The following PLCH1 variants were observed in gnomAD, a reference collection of about 807,000 sequenced individuals.
The protein encoded by PLCH1 is phospholipase C eta 1, also known as 1-phosphatidylinositol 4,5-bisphosphate phosphodiesterase eta-1.
In PLCH1, 60 loss-of-function variants were observed where a neutral mutation model predicts 126.7. The ratio of observed to expected loss-of-function variants is 0.47; its 90% CI spans 0.38 to 0.59. The LOEUF (loss-of-function observed/expected upper bound fraction) is 0.59. PLCH1 is among the 20% of genes least tolerant of loss of function. PLCH1 has a pLI of 0.00. For synonymous variants in PLCH1, 719 were observed against 734.9 expected (o/e 0.98, Z 0.35); for missense variants, 1,723 against 2,040.0 (o/e 0.84, Z 2.99).
intron 17 of PLCH1, 77 bp downstream of exon 17, chr3:155,494,064 C>T: frequency 8.8e-7 from 1 of 1,134,498 alleles, no homozygotes; most frequent in Non-Finnish European, 1.3e-6. Flanking sequence ...TAAACAGCTT[C>T]CTTAATAAAG....
At chr3:155,499,916 C>G (rs1262221751) in intron 14 of PLCH1, among the ~76,000 whole-genome samples, 1 of 152,022 alleles carries the variant, frequency 6.6e-6, no homozygotes, top group African/African-American at 2.4e-5. Context: ...TGTTGGAGCT[C>G]AAATATAAAG....
chr3:155,686,380 A>T (rs1744940822), intron 2 of PLCH1, among the ~76,000 whole-genome samples: 1 of 152,224 alleles, frequency 6.6e-6, no homozygotes, highest in South Asian at 2.1e-4. Context: ...AGGGAGCAAT[A>T]TCCCTTGTTC....
At chr3:155,573,152 C>T (rs375231660) in intron 6 of PLCH1, among the ~76,000 whole-genome samples, 2 of 152,136 alleles carry the variant, frequency 1.3e-5, no homozygotes, top group South Asian at 2.1e-4. Context: ...ACCTCTGTTT[C>T]CTCCAAGTTT....
rs776599269 is a variant in PLCH1 at position 155,458,498 on chromosome 3, G to GAAAGAAAGAAAGAAAGAA, written c.2938+26857_2938+26858insTTCTTTCTTTCTTTCTTT. On this transcript the variant is annotated intron_variant, in intron 21 of 21. Coordinates refer to the PLCH1 transcript ENST00000494598. ...AGAAAGAAAGAAAGAAAGAAAGAAA[G>GAAAGAAAGAAAGAAAGAA]AGAAAGAAGAGAGAGAAATAAGAAA... Among the ~76,000 whole-genome samples the GAAAGAAAGAAAGAAAGAA allele has an allele frequency of 1.2e-3, 81 of 69,768 alleles. 6 individuals are homozygous for GAAAGAAAGAAAGAAAGAA. The highest frequency in any genetic ancestry group is 7.5e-3 in the African/African-American group (47 of 6,304). The allele number at this position is 69,768 out of a possible 152,430, so 45.8% of individuals were successfully genotyped here. A position where few individuals can be genotyped will look rare whatever the true frequency, so the allele number is the denominator to read the frequency against.
intron 2 of PLCH1, among the ~76,000 whole-genome samples, chr3:155,640,741 C>T (rs1247705695): frequency 6.6e-6 from 1 of 152,134 alleles, no homozygotes; most frequent in Non-Finnish European, 1.5e-5. Flanking sequence ...GGCCCAAAAC[C>T]TCCATGATTA....
At chr3:155,589,234 G>C (rs923443811) in intron 4 of PLCH1, among the ~76,000 whole-genome samples, 2 of 152,030 alleles carry the variant, frequency 1.3e-5, no homozygotes, top group African/African-American at 4.8e-5. Flanking sequence ...TTTAAGTTTT[G>C]CAGGACATTT....
intron 2 of PLCH1, among the ~76,000 whole-genome samples, chr3:155,639,626 A>G (rs1739163160): frequency 6.6e-6 from 1 of 152,196 alleles, no homozygotes; most frequent in Admixed American, 6.5e-5. Flanking sequence ...TTCTTCTGGC[A>G]GTCTGCTTTC....
intron 3 of PLCH1, 99 bp downstream of exon 3, chr3:155,596,133 G>C: frequency 1.2e-6 from 1 of 836,780 alleles, no homozygotes; most frequent in Non-Finnish European, 1.9e-6. Flanking sequence ...ACTTATAAAA[G>C]TATAAAACTT....
chr3:155,557,921 T>C lies in PLCH1; in HGVS notation c.1070-3725A>G, dbSNP rs148559147. On this transcript the variant is annotated intron_variant, in intron 8 of 22. Transcript: ENST00000460012. ...CAGCAATGCAACATCAGTCCCATAATGAGAATGAAAATCCCCTGGACAGAA... is the reference window on the plus strand; with the variant it reads ...CAGCAATGCAACATCAGTCCCATAACGAGAATGAAAATCCCCTGGACAGAA... Among the ~76,000 whole-genome samples the C allele has an allele frequency of 4.2e-3, 639 of 152,252 alleles. 1 individual carries two copies. The highest frequency in any genetic ancestry group is 7.1e-3 in the Admixed American group (108 of 15,286).
At chr3:155,506,270 G>C (rs890191275) in intron 12 of PLCH1, among the ~76,000 whole-genome samples, 3 of 151,518 alleles carry the variant, frequency 2.0e-5, no homozygotes, top group Non-Finnish European at 4.4e-5. Flanking sequence ...TGATAAAACA[G>C]GATTCTGTCT....
intron 3 of PLCH1, 137 bp from the exon 4 acceptor site, chr3:155,594,321 A>T: frequency 1.2e-6 from 1 of 809,688 alleles, no homozygotes; most frequent in South Asian, 1.8e-5. Context: ...TTGTAATCCT[A>T]GCAGTTTGGG....
chr3:155,527,659 T>A (rs1301824510), intron 10 of PLCH1, among the ~76,000 whole-genome samples: 2 of 151,830 alleles, frequency 1.3e-5, no homozygotes, highest in African/African-American at 2.4e-5. Flanking sequence ...CTCACACCTG[T>A]AACCCCAGCC....
intron 8 of PLCH1, among the ~76,000 whole-genome samples, chr3:155,557,694 C>A (rs1461563286): frequency 6.6e-6 from 1 of 152,074 alleles, no homozygotes; most frequent in African/African-American, 2.4e-5. Flanking sequence ...CTGTCCAATT[C>A]CCCTGCTCAT....
intron 6 of PLCH1, among the ~76,000 whole-genome samples, chr3:155,578,528 A>G (rs1730264669): frequency 6.6e-6 from 1 of 152,220 alleles, no homozygotes; most frequent in Non-Finnish European, 1.5e-5. Context: ...AACAATAGTT[A>G]CCTCATTAGC....
At chr3:155,522,314 T>C (rs1158047244) in intron 11 of PLCH1, among the ~76,000 whole-genome samples, 1 of 152,206 alleles carries the variant, frequency 6.6e-6, no homozygotes, top group Admixed American at 6.5e-5. Context: ...ATTTAAAATA[T>C]TAACTGTATA....
intron 6 of PLCH1, among the ~76,000 whole-genome samples, chr3:155,570,701 T>A (rs1033948777): frequency 2.6e-5 from 4 of 152,170 alleles, no homozygotes; most frequent in Admixed American, 6.5e-5. Flanking sequence ...GTCACAAAAC[T>A]GTAAGAGGCA....
At chr3:155,566,103 A>C (rs1464075817) in intron 7 of PLCH1, among the ~76,000 whole-genome samples, 6 of 80,298 alleles carry the variant, frequency 7.5e-5, no homozygotes, top group African/African-American at 2.3e-4. Context: ...ATAACCTAAT[A>C]TATATATACA....
At chr3:155,523,359 CACTTTATTGAAG>C (rs1721457397) in intron 11 of PLCH1, among the ~76,000 whole-genome samples, 1 of 152,150 alleles carries the variant, frequency 6.6e-6, no homozygotes, top group African/African-American at 2.4e-5. Context: ...TATTCCATGC[CACTTTATTGAAG>C]ACTTGACAAA....
intron 2 of PLCH1, among the ~76,000 whole-genome samples, chr3:155,642,553 C>T (rs1473290324): frequency 3.3e-5 from 5 of 152,180 alleles, no homozygotes; most frequent in East Asian, 1.9e-4. Context: ...AAGCAGATTG[C>T]GCTCTCCAAT....
Sources: allele counts gnomAD v4.1 joint callset (sites outside exome capture counted in the v4.1 genomes callset), GRCh38; gene constraint gnomAD v4.1.1; transcripts MANE v1.5; gene names NCBI Gene and HGNC (gene_info 2026-07-23, HGNC 2026-07-21).